ADAM10: variants seen among roughly 807,000 people sequenced by gnomAD.
The protein encoded by ADAM10 is disintegrin and metalloproteinase domain-containing protein 10.
Under a neutral mutation model 90.1 loss-of-function variants are expected in ADAM10, and 17 were observed. That is an observed-to-expected ratio of 0.19 (90% CI 0.13 to 0.28). The LOEUF (loss-of-function observed/expected upper bound fraction) is 0.28. ADAM10 is among the 10% of genes least tolerant of loss of function. ADAM10 has a pLI of 1.00. For missense variants in ADAM10, 610 were observed against 914.3 expected, an observed-to-expected ratio of 0.67 and a Z score of 4.29; for synonymous variants, 310 against 298.6, an observed-to-expected ratio of 1.04 and a Z score of -0.40.
At chr15:58,697,791 G>C (rs1008305486) in intron 2 of ADAM10, among the ~76,000 whole-genome samples, 1 of 152,180 alleles carries the variant, frequency 6.6e-6, no homozygotes, top group Admixed American at 6.5e-5. Flanking sequence ...ACCAGTGCCA[G>C]CATATGTTGC....
rs1250377082 is a variant in ADAM10 at position 58,655,669 on chromosome 15, CATACATACATATATATATTATATATAGT to C, written c.585+9400_585+9427del. 3.6e-5 allele frequency among the ~76,000 whole-genome samples: 4 copies of C among 110,722 alleles called. 1 individual carries two copies. The highest frequency in any genetic ancestry group is 1.2e-4 in the African/African-American group (3 of 25,772). 72.6% of individuals were successfully genotyped at this position (110,722 alleles called of 152,430 possible). On this transcript the variant is annotated intron_variant, in intron 5 of 15. Coordinates refer to ENST00000260408, the MANE Select transcript of ADAM10 (RefSeq NM_001110.4). ...ATCCCTTTGCATACATACATACATA[CATACATACATATATATATTATATATAGT>C]ATATATATATATAGTATATATATAT...
chr15:58,740,780 G>C (rs1285298976), intron 1 of ADAM10, among the ~76,000 whole-genome samples: 1 of 152,156 alleles, frequency 6.6e-6, no homozygotes, highest in Non-Finnish European at 1.5e-5. Flanking sequence ...CATTTTAAAA[G>C]ACTACATGAT....
chr15:58,661,895 A>G (rs1470416388), intron 5 of ADAM10, among the ~76,000 whole-genome samples: 3 of 152,176 alleles, frequency 2.0e-5, no homozygotes, highest in East Asian at 1.9e-4. Context: ...CTCAGATAAT[A>G]TATTTTTCAC....
At chr15:58,696,148 G>A (rs1342915942) in intron 2 of ADAM10, among the ~76,000 whole-genome samples, 10 of 151,808 alleles carry the variant, frequency 6.6e-5, no homozygotes, top group African/African-American at 1.2e-4. Flanking sequence ...AAAATTAGCC[G>A]GGCGGTAGTG....
At chr15:58,649,125 G>C (rs1384403507) in intron 5 of ADAM10, among the ~76,000 whole-genome samples, 2 of 151,970 alleles carry the variant, frequency 1.3e-5, no homozygotes, top group Non-Finnish European at 2.9e-5. Flanking sequence ...TGTCCTGCCT[G>C]TTCAATAGTC....
At chr15:58,731,373 C>A (rs748266740) in intron 1 of ADAM10, among the ~76,000 whole-genome samples, 30 of 152,106 alleles carry the variant, frequency 2.0e-4, no homozygotes, top group Non-Finnish European at 2.5e-4. Flanking sequence ...AATCCTAACA[C>A]TTTGGGGGGC....
At position 58,627,636 on chromosome 15, in the gene ADAM10, ATTCT is replaced by A. The variant is rs1895985782; in HGVS notation, c.1360+60_1360+63del. ...TGGGTATGTCAGTAATCACTATAGA[ATTCT>A]TTCAAGTTGTCTGAATGTTTGAAAA... On this transcript the variant is annotated intron_variant, in intron 10 of 15. Transcript: ENST00000260408. 2.7e-6 allele frequency: 4 copies of A among 1,461,536 alleles called. No individual in the cohort carries two copies. In the Admixed American group the frequency reaches 6.8e-5, roughly 25 times the overall value. The allele number at this position is 1,461,536 out of a possible 1,614,324, so 90.5% of individuals were successfully genotyped here.
chr15:58,673,071 C>T (rs534290608), intron 4 of ADAM10: 27 of 170,528 alleles, frequency 1.6e-4, no homozygotes, highest in African/African-American at 5.9e-4. Flanking sequence ...CAGTTAACCA[C>T]ACTATCAAAT....
At chr15:58,616,935 C>T (rs1442742665) in intron 11 of ADAM10, among the ~76,000 whole-genome samples, 4 of 151,910 alleles carry the variant, frequency 2.6e-5, no homozygotes, top group Admixed American at 6.6e-5. Context: ...GGTGAAACCC[C>T]GTCTCTACTA....
intron 14 of ADAM10, among the ~76,000 whole-genome samples, chr15:58,605,869 G>T (rs779449892): frequency 6.6e-6 from 1 of 152,084 alleles, no homozygotes; most frequent in Non-Finnish European, 1.5e-5. Context: ...AATTTATTAT[G>T]TATTAATTAC....
intron 2 of ADAM10, among the ~76,000 whole-genome samples, chr15:58,699,455 A>G (rs1393694680): frequency 6.6e-6 from 1 of 152,184 alleles, no homozygotes; most frequent in African/African-American, 2.4e-5. Flanking sequence ...TAAGAGAAAA[A>G]GAAAGGAACA....
At chr15:58,643,778 C>T (rs1896475567) in intron 7 of ADAM10, 108 bp downstream of exon 7, 2 of 883,520 alleles carry the variant, frequency 2.3e-6, no homozygotes, top group East Asian at 2.5e-5. Flanking sequence ...TTAAACTAAA[C>T]TACTTAATTC....
In ADAM10 at chr15:58,596,550, T is replaced by A. The variant is rs1894956603; in HGVS notation, c.*997A>T. ...AAAGACACAGCTTTTCTTTTCCATA[T>A]CAGACAGAAAACATAATTAGCATAT... On this transcript the variant is annotated 3_prime_UTR_variant, in exon 16 of 16. Coordinates refer to ENST00000260408, the MANE Select transcript of ADAM10 (RefSeq NM_001110.4). The A allele has an allele frequency of 6.6e-6, 1 of 152,630 alleles. No homozygotes were observed. The highest frequency in any genetic ancestry group is 6.5e-5 in the Admixed American group (1 of 15,282). 9.5% of individuals were successfully genotyped at this position (152,630 alleles called of 1,614,324 possible).
intron 2 of ADAM10, among the ~76,000 whole-genome samples, chr15:58,694,408 G>C (rs533123010): frequency 2.4e-4 from 37 of 151,996 alleles, no homozygotes; most frequent in Non-Finnish European, 3.4e-4. Context: ...CCGAGATCAC[G>C]ACACTGCACT....
intron 4 of ADAM10, among the ~76,000 whole-genome samples, chr15:58,673,737 C>T (rs1439047908): frequency 1.4e-5 from 2 of 145,536 alleles, no homozygotes; most frequent in African/African-American, 5.1e-5. Flanking sequence ...CTCTTTCTCT[C>T]TCTTTTTTTT....
intron 5 of ADAM10, among the ~76,000 whole-genome samples, chr15:58,656,457 G>A (rs1477142461): frequency 6.6e-6 from 1 of 151,306 alleles, no homozygotes; most frequent in African/African-American, 2.4e-5. Context: ...TTAATTTCTT[G>A]CTTTTTATTT....
rs371620316 is a variant in ADAM10, at chr15:58,701,843, C to A, written c.206+15734G>T. ...TAATAAGGCCCGGAGCAGTGACTCA[C>A]GCCTATAATCCCAGCACTTTGGGAG... is the stretch of plus-strand genomic sequence containing the variant. On this transcript the variant is annotated intron_variant, in intron 2 of 15. Coordinates refer to ENST00000260408, the MANE Select transcript of ADAM10 (RefSeq NM_001110.4). 3.9e-5 allele frequency among the ~76,000 whole-genome samples: 6 copies of A among 152,118 alleles called. No individual in the cohort carries two copies. In the East Asian group the frequency reaches 1.2e-3, roughly 29 times the overall value.
chr15:58,701,084 A>G (rs953540003), intron 2 of ADAM10, among the ~76,000 whole-genome samples: 6 of 151,978 alleles, frequency 3.9e-5, no homozygotes, highest in Non-Finnish European at 7.4e-5. Flanking sequence ...TAGGAAGGAT[A>G]AACAAAACCA....
intron 10 of ADAM10, among the ~76,000 whole-genome samples, chr15:58,622,279 T>C (rs1398758545): frequency 6.6e-6 from 1 of 152,182 alleles, no homozygotes; most frequent in Non-Finnish European, 1.5e-5. Context: ...ATAGCATGCT[T>C]AATAACATCT....
Sources: gnomAD v4.1 joint callset for allele counts (sites outside exome capture counted in the v4.1 genomes callset) on GRCh38, gnomAD v4.1.1 for gene constraint, MANE v1.5 for transcripts, NCBI Gene and HGNC (gene_info 2026-07-23, HGNC 2026-07-21) for gene names.